Variants in AFF3 observed in about 807,000 individuals in gnomAD.
The protein encoded by AFF3 is ALF transcription elongation factor 3.
Under a neutral mutation model 129.7 loss-of-function variants are expected in AFF3, and 32 were observed. That is an observed-to-expected ratio of 0.25 (90% CI 0.19 to 0.33). The LOEUF (loss-of-function observed/expected upper bound fraction) is 0.33, where lower values mean the gene tolerates loss of function less well. Ranked by LOEUF, AFF3 falls within the 10% of genes least tolerant of loss-of-function variation. The probability of loss-of-function intolerance (pLI) is 1.00; values close to 1 mark genes in which losing one functional copy is unlikely to be tolerated. For synonymous variants in AFF3, 644 were observed against 635.4 expected (o/e 1.01, Z -0.20); for missense variants, 1,373 against 1,592.0 (o/e 0.86, Z 2.34).
rs781214444 is a variant in AFF3 at position 99,908,646 on chromosome 2, CA to C, written c.874-71123del. ...TTTACAAGAAAAAAACAAACAACCC[CA>C]TCAAAAAGTGGACAAAGGATATAAA... On this transcript the variant is annotated intron_variant, in intron 7 of 24. Coordinates refer to ENST00000672756, the MANE Select transcript of AFF3 (RefSeq NM_001386135.1). 1.2e-4 allele frequency among the ~76,000 whole-genome samples: 19 copies of C among 152,170 alleles called. No individual in the cohort carries two copies. In the South Asian group the frequency reaches 1.5e-3, roughly 12 times the overall value.
At chr2:99,615,419 C>T (rs541898052) in intron 13 of AFF3, among the ~76,000 whole-genome samples, 39 of 152,336 alleles carry the variant, frequency 2.6e-4, no homozygotes, top group African/African-American at 8.2e-4. Context: ...TGATACAACT[C>T]GCCTCCCCAC....
chr2:99,854,911 T>C (rs1690411829), intron 7 of AFF3, among the ~76,000 whole-genome samples: 1 of 152,194 alleles, frequency 6.6e-6, no homozygotes, highest in Admixed American at 6.5e-5. Context: ...GGTAATGGTT[T>C]TAAAAATGGT....
intron 7 of AFF3, among the ~76,000 whole-genome samples, chr2:99,953,281 T>A (rs1676335217): frequency 6.6e-6 from 1 of 152,200 alleles, no homozygotes. Flanking sequence ...GCATCTCTAA[T>A]GTCTTTAGAC....
intron 8 of AFF3, among the ~76,000 whole-genome samples, chr2:99,762,562 T>C (rs1682705872): frequency 6.6e-6 from 1 of 152,210 alleles, no homozygotes; most frequent in Admixed American, 6.5e-5. Flanking sequence ...AATAATGCTC[T>C]TGTAACTCCT....
chr2:100,128,589 C>T (rs1692296415), intron 2 of AFF3, among the ~76,000 whole-genome samples: 1 of 152,124 alleles, frequency 6.6e-6, no homozygotes, highest in Admixed American at 6.5e-5. Context: ...TTATTTGGCC[C>T]CAAGGAGGCT....
chr2:100,095,756 C>T (rs1366017538), intron 4 of AFF3, among the ~76,000 whole-genome samples: 4 of 152,218 alleles, frequency 2.6e-5, no homozygotes, highest in Admixed American at 2.6e-4. Flanking sequence ...ACAGAACATG[C>T]AAAGTCAATT....
chr2:99,879,110 C>T (rs190667770), intron 7 of AFF3, among the ~76,000 whole-genome samples: 8 of 152,240 alleles, frequency 5.3e-5, no homozygotes, highest in Admixed American at 1.3e-4. Flanking sequence ...GAGCTGATCA[C>T]GGTGAAGGAA....
chr2:99,622,314 A>G (rs1276985788), intron 13 of AFF3, among the ~76,000 whole-genome samples: 1 of 152,188 alleles, frequency 6.6e-6, no homozygotes, highest in Non-Finnish European at 1.5e-5. Flanking sequence ...GACGCTGAGA[A>G]TGAGCCCAAC....
At chr2:99,668,586 G>T (rs1686887198) in intron 12 of AFF3, among the ~76,000 whole-genome samples, 1 of 149,068 alleles carries the variant, frequency 6.7e-6, no homozygotes, top group Admixed American at 6.7e-5. Context: ...TTTTCGAGAA[G>T]GAATCTCACT....
chr2:100,098,837 A>G (rs2576641), intron 4 of AFF3, among the ~76,000 whole-genome samples: 3,336 of 71,462 alleles, frequency 0.047, 232 homozygotes, highest in Middle Eastern at 0.11. Context: ...TCCAAAACAC[A>G]CCCCACACGA....
rs1432862120 is a variant in AFF3 at position 99,546,758 on chromosome 2, C to T, written c.*4716G>A. ...ACCAAATATTGCAAACATGATTCCA[C>T]CATGTTGGTTTCAGTTGTGTGCAGT... On this transcript the variant is annotated 3_prime_UTR_variant, in exon 25 of 25. Coordinates refer to ENST00000672756, the MANE Select transcript of AFF3 (RefSeq NM_001386135.1). 1 of 219,346 alleles carries T rather than the reference C, an allele frequency of 4.6e-6. No individual in the cohort carries two copies. 13.6% of individuals were successfully genotyped at this position (219,346 alleles called of 1,614,324 possible). A position where few individuals can be genotyped will look rare whatever the true frequency, so the allele number is the denominator to read the frequency against.
chr2:99,944,630 G>GT (rs1576400813), intron 7 of AFF3, among the ~76,000 whole-genome samples: 1 of 151,982 alleles, frequency 6.6e-6, no homozygotes, highest in Non-Finnish European at 1.5e-5. Flanking sequence ...ACTACTTTTT[G>GT]TTTTTTTAAT....
intron 12 of AFF3, among the ~76,000 whole-genome samples, chr2:99,650,704 C>T (rs1235620974): frequency 1.3e-5 from 2 of 151,990 alleles, no homozygotes; most frequent in African/African-American, 2.4e-5. Context: ...TTATATTATT[C>T]TGGCCATTTC....
At chr2:99,982,881 T>C (rs1333105180) in intron 7 of AFF3, among the ~76,000 whole-genome samples, 2 of 152,212 alleles carry the variant, frequency 1.3e-5, no homozygotes, top group African/African-American at 2.4e-5. Context: ...CAGAACATTA[T>C]GCTTTATGAC....
intron 8 of AFF3, among the ~76,000 whole-genome samples, chr2:99,805,728 T>G (rs1686289628): frequency 6.6e-6 from 1 of 151,850 alleles, no homozygotes; most frequent in Admixed American, 6.6e-5. Context: ...TGCTTCACAA[T>G]TATGTATATG....
At chr2:99,767,327 G>T (rs1377391857) in intron 8 of AFF3, among the ~76,000 whole-genome samples, 2 of 152,224 alleles carry the variant, frequency 1.3e-5, no homozygotes, top group African/African-American at 4.8e-5. Context: ...TAGCATTTTG[G>T]CAAAGAAGAA....
At chr2:99,816,634 C>T (rs1214334813) in intron 8 of AFF3, among the ~76,000 whole-genome samples, 1 of 152,016 alleles carries the variant, frequency 6.6e-6, no homozygotes, top group Non-Finnish European at 1.5e-5. Context: ...AGTTGTATTC[C>T]ACTGTTATTC....
At chr2:100,020,868 C>T (rs1461328030) in intron 4 of AFF3, among the ~76,000 whole-genome samples, 3 of 152,210 alleles carry the variant, frequency 2.0e-5, no homozygotes, top group South Asian at 2.1e-4. Context: ...CCAGCCCAAT[C>T]GTTCCTCCCC....
At chr2:99,581,853 GT>G (rs1197222142) in intron 17 of AFF3, among the ~76,000 whole-genome samples, 240 of 121,562 alleles carry the variant, frequency 2.0e-3, no homozygotes, top group African/African-American at 4.1e-3. Context: ...AGGTGTTGGA[GT>G]TTTTTTTTTT....
Sources: gnomAD v4.1 joint callset for allele counts (sites outside exome capture counted in the v4.1 genomes callset) on GRCh38, gnomAD v4.1.1 for gene constraint, MANE v1.5 for transcripts, NCBI Gene and HGNC (gene_info 2026-07-23, HGNC 2026-07-21) for gene names.